STK16: variants seen among roughly 807,000 people sequenced by gnomAD.
The protein encoded by STK16 is serine/threonine kinase 16, also known as serine/threonine-protein kinase 16.
A neutral mutation model predicts 37.8 loss-of-function variants in STK16; 28 were observed. The observed-to-expected ratio is 0.74, with a 90% CI of 0.55 to 1.02. The LOEUF is 1.02. Among genes scored for constraint, STK16 ranks in the 50% least tolerant of loss-of-function variants. The probability of loss-of-function intolerance (pLI) is 0.00; values close to 1 mark genes in which losing one functional copy is unlikely to be tolerated. For missense variants in STK16, 349 were observed against 390.6 expected (o/e 0.89, Z 0.90); for synonymous variants, 134 against 155.0 (o/e 0.86, Z 1.01).
chr2:219,246,940 G>A lies in STK16; in HGVS notation c.306+64G>A, dbSNP rs185901280. On this transcript the variant is annotated intron_variant, in intron 3 of 7. Transcript: ENST00000396738. The surrounding 1 kb of genome is among the most constrained non-coding windows in gnomAD (Gnocchi z 4.5). ...AGCCACCTACTCAAGGGCTGTGTGA[G>A]CAGTCCAGCATGTTAGGAAGCAGGG... 6.1e-3 allele frequency: 9,346 copies of A among 1,541,550 alleles called. 46 individuals carry two copies. Among genetic ancestry groups the A allele is most frequent in the Non-Finnish European group, 7.3e-3 (8,260 of 1,133,562 alleles).
Position 219,247,477 on chromosome 2 carries a change from G to T in STK16, c.503G>T (p.Gly168Val), listed in dbSNP as rs763759271. ...DEGQPVLMDLGSMNQACIHVE... is the reference protein window; with the variant it reads ...DEGQPVLMDLVSMNQACIHVE... ...GGGCAGCCAGTTTTAATGGACTTGGGTTCCATGAATCAAGCATGCATCCAT... is the reference window on the plus strand; with the variant it reads ...GGGCAGCCAGTTTTAATGGACTTGGTTTCCATGAATCAAGCATGCATCCAT... The change falls in exon 5 of 8, where the codon GGT becomes GTT. Residue 168 changes from glycine to valine, a missense_variant. Transcript: ENST00000396738. 6.2e-7 allele frequency: 1 copy of T among 1,614,196 alleles called. No homozygotes were observed. Among genetic ancestry groups the T allele is most frequent in the South Asian group, 1.1e-5 (1 of 91,080 alleles).
Position 219,246,811 on chromosome 2 carries a change from G to A in STK16, c.241G>A (p.Val81Met), listed in dbSNP as rs201550308. The A allele has an allele frequency of 1.4e-5, 22 of 1,614,148 alleles. No homozygotes were observed. Among genetic ancestry groups the A allele is most frequent in the Middle Eastern group, 3.3e-4 (2 of 6,062 alleles). ...CAATCACCCCAACATCCTTCGCCTC[G>A]TGGCTTACTGTCTGAGGGAACGGGG... Reference protein sequence around the residue: ...LFNHPNILRLVAYCLRERGAK... With the variant: ...LFNHPNILRLMAYCLRERGAK... Residue 81 changes from valine (V) to methionine (M), a missense_variant, in exon 3 of 8, where the codon GTG (valine) becomes ATG (methionine). Coordinates refer to ENST00000396738, the MANE Select transcript of STK16 (RefSeq NM_001330213.2). The surrounding 1 kb of genome is among the most constrained non-coding windows in gnomAD (Gnocchi z 4.5).
Position 219,245,936 on chromosome 2 carries a change from C to A in STK16, c.-64C>A. ...CCCCAGCGCATCTCCTGGAAGAGCC[C>A]ACTCACCCTGGACGAGCTCTTCGGT... On this transcript the variant is annotated 5_prime_UTR_variant, in exon 2 of 8. Transcript: ENST00000396738. 1 of 1,369,140 alleles carries A rather than the reference C, an allele frequency of 7.3e-7. No individual in the cohort carries two copies. Among genetic ancestry groups the A allele is most frequent in the Non-Finnish European group, 1.0e-6 (1 of 970,500 alleles). The allele number at this position is 1,369,140 out of a possible 1,614,324, so 84.8% of individuals were successfully genotyped here.
At chr2:219,247,852 C>A in intron 6 of STK16, 95 bp downstream of exon 6, 1 of 1,194,970 alleles carries the variant, frequency 8.4e-7, no homozygotes, top group Non-Finnish European at 1.2e-6. Flanking sequence ...TTGCATGGGG[C>A]GCCAGGAACC....
Position 219,250,207 on chromosome 2 carries a change from T to C in STK16, c.*1648T>C. The C allele has an allele frequency of 1.6e-6, 2 of 1,233,418 alleles. No individual in the cohort carries two copies. Among genetic ancestry groups the C allele is most frequent in the Non-Finnish European group, 2.3e-6 (2 of 877,056 alleles). The allele number at this position is 1,233,418 out of a possible 1,614,324, so 76.4% of individuals were successfully genotyped here. A position where few individuals can be genotyped will look rare whatever the true frequency, so the allele number is the denominator to read the frequency against. The stretch of plus-strand genomic sequence containing the variant: ...TCAGCGATGGAAGGGATAAGGGTCA[T>C]GAACAGCAAACAGAGCAGCAGCAGC... On this transcript the variant is annotated 3_prime_UTR_variant, in exon 8 of 8. Coordinates refer to ENST00000396738, the MANE Select transcript of STK16 (RefSeq NM_001330213.2). This position sits in a 1 kb window ranked among gnomAD's most constrained non-coding sequence, Gnocchi z 8.4.
At position 219,248,401 on chromosome 2, in the gene STK16, C is replaced by T. The variant is rs1230937626; in HGVS notation, c.780-20C>T. On this transcript the variant is annotated intron_variant, in intron 7 of 7. Coordinates refer to ENST00000396738, the MANE Select transcript of STK16 (RefSeq NM_001330213.2). ...GACAGATAGGTGTCATCCGGTCACC[C>T]TGGGCTCCTCCCTCCACAGGCATTC... 1.2e-6 allele frequency: 2 copies of T among 1,612,938 alleles called. No homozygotes were observed. The highest frequency in any genetic ancestry group is 3.3e-5 in the Admixed American group (2 of 59,976).
chr2:219,247,668 G>A lies in STK16; in HGVS notation c.568G>A (p.Ala190Thr), dbSNP rs1194663290. ...TCTGGGATCACTGTTCCAGGACTGG[G>A]CAGCCCAGCGGTGCACCATCTCCTA... ...SRQALTLQDW[A>T]AQRCTISYRA... Residue 190 changes from alanine to threonine, a missense_variant, in exon 6 of 8, where the codon GCA (alanine) becomes ACA (threonine). By Grantham distance (58) the Ala-to-Thr change is moderately conservative. Coordinates refer to ENST00000396738, the MANE Select transcript of STK16 (RefSeq NM_001330213.2). 1.2e-6 allele frequency: 2 copies of A among 1,611,570 alleles called. No individual in the cohort carries two copies. Among genetic ancestry groups the A allele is most frequent in the Non-Finnish European group, 1.7e-6 (2 of 1,178,076 alleles).
At position 219,246,285 on chromosome 2, in the gene STK16, GT is replaced by G; in HGVS notation, c.86+207del. 1 of 600,838 alleles carries G rather than the reference GT, an allele frequency of 1.7e-6. No homozygotes were observed. Among genetic ancestry groups the G allele is most frequent in the South Asian group, 2.0e-5 (1 of 49,014 alleles). The allele number at this position is 600,838 out of a possible 1,614,324, so 37.2% of individuals were successfully genotyped here. A position where few individuals can be genotyped will look rare whatever the true frequency, so the allele number is the denominator to read the frequency against. ...ACCTCGTGTGACCTTGATAAACCAT[GT>G]TTTTTTCATCAGCTTAATGGAGATG... is the stretch of plus-strand genomic sequence containing the variant. On this transcript the variant is annotated intron_variant, in intron 2 of 7. Transcript: ENST00000396738. The surrounding 1 kb of genome is among the most constrained non-coding windows in gnomAD (Gnocchi z 4.5).
rs977701972 is a variant in STK16, at chr2:219,246,150, A to G, written c.86+65A>G. ...TGATCATTGAAGGACAGCGGTGTGC[A>G]TATGCTTGGGGCACAAGGGTTTTAT... is the stretch of plus-strand genomic sequence containing the variant. On this transcript the variant is annotated intron_variant, in intron 2 of 7. Coordinates refer to ENST00000396738, the MANE Select transcript of STK16 (RefSeq NM_001330213.2). The surrounding 1 kb of genome is among the most constrained non-coding windows in gnomAD (Gnocchi z 4.5). The G allele has an allele frequency of 2.1e-6, 3 of 1,424,166 alleles. No individual in the cohort carries two copies. The highest frequency in any genetic ancestry group is 1.2e-5 in the South Asian group (1 of 84,492). 88.2% of individuals were successfully genotyped at this position (1,424,166 alleles called of 1,614,324 possible). A position where few individuals can be genotyped will look rare whatever the true frequency, so the allele number is the denominator to read the frequency against.
In STK16 at chr2:219,246,244, C is replaced by T. The variant is rs1037712172; in HGVS notation, c.86+159C>T. 1 of 643,644 alleles carries T rather than the reference C, an allele frequency of 1.6e-6. No homozygotes were observed. Among genetic ancestry groups the T allele is most frequent in the Non-Finnish European group, 2.7e-6 (1 of 370,908 alleles). 39.9% of individuals were successfully genotyped at this position (643,644 alleles called of 1,614,324 possible). On this transcript the variant is annotated intron_variant, in intron 2 of 7. Transcript: ENST00000396738. The surrounding 1 kb of genome is among the most constrained non-coding windows in gnomAD (Gnocchi z 4.5). ...GTATCAAGAAGGTGGATTCTGGAGC[C>T]AGGCCTGCTAAATCCACCTCGTGTG...
In STK16 at chr2:219,249,397, A is replaced by G. The variant is rs1176394123; in HGVS notation, c.*838A>G. 1 of 152,252 alleles carries G rather than the reference A, an allele frequency of 6.6e-6. No individual in the cohort carries two copies. The highest frequency in any genetic ancestry group is 6.5e-5 in the Admixed American group (1 of 15,284). 9.4% of individuals were successfully genotyped at this position (152,252 alleles called of 1,614,324 possible). On this transcript the variant is annotated 3_prime_UTR_variant, in exon 8 of 8. Coordinates refer to ENST00000396738, the MANE Select transcript of STK16 (RefSeq NM_001330213.2). ...GATTAATGAGGCAGTGTGGTGTGGC[A>G]GTATCCAGCTGCCACTTCCTGCCTA...
Position 219,247,431 on chromosome 2 carries a change from A to G in STK16, c.457A>G (p.Asn153Asp), listed in dbSNP as rs372279630. The G allele has an allele frequency of 1.9e-5, 30 of 1,614,040 alleles. No individual in the cohort carries two copies. Among genetic ancestry groups the G allele is most frequent in the Non-Finnish European group, 2.5e-5 (30 of 1,180,038 alleles). The change falls in exon 5 of 8, where the codon AAT (asparagine) becomes GAT (aspartate). Residue 153 changes from asparagine to aspartate, a missense_variant. Coordinates refer to ENST00000396738, the MANE Select transcript of STK16 (RefSeq NM_001330213.2). ...GYAHRDLKPT[N>D]ILLGDEGQPV... ...TCTCTACAGAGACTTGAAGCCCACC[A>G]ATATATTGCTTGGAGATGAGGGGCA...
chr2:219,245,619 A>C lies in STK16; in HGVS notation c.-282A>C, dbSNP rs1204884110. The C allele has an allele frequency of 2.4e-5, 4 of 167,604 alleles. No individual in the cohort carries two copies. The highest frequency in any genetic ancestry group is 7.2e-5 in the African/African-American group (3 of 41,654). 10.4% of individuals were successfully genotyped at this position (167,604 alleles called of 1,614,324 possible). Reference sequence around the variant, plus strand: ...GGGCCTGAGCCTCGCACGTCCTCTGAAACTACGCTATGCTCTGCTTTTGCG... The same window carrying C: ...GGGCCTGAGCCTCGCACGTCCTCTGCAACTACGCTATGCTCTGCTTTTGCG... On this transcript the variant is annotated 5_prime_UTR_variant, in exon 1 of 8. Transcript: ENST00000396738.
Position 219,246,706 on chromosome 2 carries a change from T to A in STK16, c.136T>A (p.Tyr46Asn). ...LVEGLHDGHF[Y>N]ALKRILCHEQ... ...GGAAGGGTTACATGATGGACACTTC[T>A]ACGCCCTGAAGCGAATCCTGTGTCA... Residue 46 changes from tyrosine to asparagine, a missense_variant, in exon 3 of 8, where the codon TAC becomes AAC. Physicochemically the swap from Tyr to Asn is moderately radical, Grantham distance 143. Transcript: ENST00000396738. This position sits in a 1 kb window ranked among gnomAD's most constrained non-coding sequence, Gnocchi z 4.5. The A allele has an allele frequency of 6.2e-7, 1 of 1,614,246 alleles. No homozygotes were observed. Among genetic ancestry groups the A allele is most frequent in the Non-Finnish European group, 8.5e-7 (1 of 1,180,040 alleles).
chr2:219,248,132 G>A, intron 6 of STK16, 61 bp from the exon 7 acceptor site: 1 of 1,603,790 alleles, frequency 6.2e-7, no homozygotes, highest in Non-Finnish European at 8.5e-7. Context: ...TACCACAGAA[G>A]TAAAGGGAGA....
chr2:219,247,399 T>G lies in STK16; in HGVS notation c.441-16T>G. ...CTGTCCAGAGATGCTCATAGGTCAC[T>G]TCTACTTCTCTACAGAGACTTGAAG... On this transcript the variant is annotated splice_polypyrimidine_tract_variant and intron_variant, in intron 4 of 7. Transcript: ENST00000396738. The G allele has an allele frequency of 6.2e-7, 1 of 1,614,116 alleles. No homozygotes were observed. Among genetic ancestry groups the G allele is most frequent in the Non-Finnish European group, 8.5e-7 (1 of 1,180,028 alleles).
At position 219,249,229 on chromosome 2, in the gene STK16, T is replaced by C. The variant is rs1370886023; in HGVS notation, c.*670T>C. 1.3e-5 allele frequency: 2 copies of C among 152,274 alleles called. No individual in the cohort carries two copies. Among genetic ancestry groups the C allele is most frequent in the Admixed American group, 6.5e-5 (1 of 15,284 alleles). The allele number at this position is 152,274 out of a possible 1,614,324, so 9.4% of individuals were successfully genotyped here. A position where few individuals can be genotyped will look rare whatever the true frequency, so the allele number is the denominator to read the frequency against. On this transcript the variant is annotated 3_prime_UTR_variant, in exon 8 of 8. Coordinates refer to ENST00000396738, the MANE Select transcript of STK16 (RefSeq NM_001330213.2). ...AGCCGGTTTGCTAGGCAAGGGCCTC[T>C]GGGTGGAGACACCTGAGGAAGCTTT...
rs1393860591 is a variant in STK16, at chr2:219,250,092, C to T, written c.*1533C>T. 2.7e-5 allele frequency: 14 copies of T among 510,422 alleles called. No homozygotes were observed. The South Asian group carries it at 2.8e-4, about 10-fold the overall frequency. The allele number at this position is 510,422 out of a possible 1,614,324, so 31.6% of individuals were successfully genotyped here. On this transcript the variant is annotated 3_prime_UTR_variant, in exon 8 of 8. Transcript: ENST00000396738. This position sits in a 1 kb window ranked among gnomAD's most constrained non-coding sequence, Gnocchi z 8.4. ...GCCTGGATTTTGGTCCTCATTTCCT[C>T]CCTATACTGAGTAACCCTAGGACTT...
Position 219,246,572 on chromosome 2 carries a change from AC to A in STK16, c.87-81del, listed in dbSNP as rs751169442. ...AAGGTTTCTGCTAAATGGGAAGGAC[AC>A]CCCACTCCCCACCAGGAAATTTCTC... On this transcript the variant is annotated intron_variant, in intron 2 of 7. Transcript: ENST00000396738. This position sits in a 1 kb window ranked among gnomAD's most constrained non-coding sequence, Gnocchi z 4.5. 2.2e-5 allele frequency: 23 copies of A among 1,058,898 alleles called. No homozygotes were observed. Among genetic ancestry groups the A allele is most frequent in the Non-Finnish European group, 3.3e-5 (23 of 688,002 alleles). The allele number at this position is 1,058,898 out of a possible 1,614,324, so 65.6% of individuals were successfully genotyped here.
Sources: gnomAD v4.1 joint callset for allele counts on GRCh38, gnomAD v4.1.1 for gene constraint, Gnocchi (gnomAD v3.1) non-coding constraint, MANE v1.5 for transcripts, NCBI Gene and HGNC (gene_info 2026-07-23, HGNC 2026-07-21) for gene names.